The following MST1R variants were observed in gnomAD, a reference collection of about 807,000 sequenced individuals.
The protein encoded by MST1R is macrophage stimulating 1 receptor, also known as macrophage-stimulating protein receptor.
In MST1R, 99 loss-of-function variants were observed where a neutral mutation model predicts 117.8. That is an observed-to-expected ratio of 0.84 (90% CI 0.71 to 0.99). The LOEUF (loss-of-function observed/expected upper bound fraction) is 0.99. Ranked by LOEUF, MST1R falls within the 50% of genes least tolerant of loss-of-function variation. The pLI is 0.00. For synonymous variants in MST1R, 734 were observed against 765.3 expected (o/e 0.96, Z 0.68); for missense variants, 1,683 against 1,840.2 (o/e 0.91, Z 1.56).
At chr3:49,898,028 G>A in intron 5 of MST1R, 23 bp downstream of exon 5, 1 of 1,614,024 alleles carries the variant, frequency 6.2e-7, no homozygotes, top group Non-Finnish European at 8.5e-7. Context: ...TCAGGGAAAG[G>A]GAGGGGAGGG....
In MST1R at chr3:49,891,474, A is replaced by C. The variant is rs1388498988; in HGVS notation, c.3459T>G (p.Pro1153=). 6.2e-7 allele frequency: 1 copy of C among 1,613,866 alleles called. No homozygotes were observed. Among genetic ancestry groups the C allele is most frequent in the Non-Finnish European group, 8.5e-7 (1 of 1,180,036 alleles). Residue 1153 remains proline (P), a synonymous_variant, in exon 16 of 20, where the codon CCT becomes CCG. Transcript: ENST00000296474. ...VLALIGIMLP[P]EGLPHVLLPY... ...GCAGCAGCACATGGGGCAGGCCCTC[A>C]GGTGGCAACATGATACCAATGAGAG...
At chr3:49,887,764 C>T (rs151034870) in intron 19 of MST1R, among the ~76,000 whole-genome samples, 3 of 152,376 alleles carry the variant, frequency 2.0e-5, no homozygotes, top group South Asian at 2.1e-4. Flanking sequence ...TGGCAGAGGT[C>T]GAACTACCTC....
chr3:49,900,506 C>T (rs1233521720), intron 1 of MST1R, among the ~76,000 whole-genome samples: 2 of 152,168 alleles, frequency 1.3e-5, no homozygotes, highest in Non-Finnish European at 1.5e-5. Flanking sequence ...GAGGCTTAAC[C>T]CAGTCCTGAG....
chr3:49,895,135 A>G lies in MST1R; in HGVS notation c.3271+32T>C, dbSNP rs370238770. 2.5e-6 allele frequency: 4 copies of G among 1,611,970 alleles called. No homozygotes were observed. The African/African-American group carries it at 5.3e-5, about 22-fold the overall frequency. On this transcript the variant is annotated intron_variant, in intron 14 of 19. Transcript: ENST00000296474. ...CTAGCCTATGTCATCTTGAGACTCC[A>G]TCTCTGCCCCAGCCCCACCTGGCCC...
At chr3:49,889,863 C>T in intron 19 of MST1R, 61 bp downstream of exon 19, 3 of 1,602,342 alleles carry the variant, frequency 1.9e-6, no homozygotes, top group East Asian at 4.5e-5. Context: ...AGCTCTGTCT[C>T]CTGTCTCTTC....
rs765008622 is a variant in MST1R, at chr3:49,903,069, G to C, written c.541C>G (p.Pro181Ala). The part of the protein sequence containing the change: ...PDDCPDCVAS[P>A]LGTRVTVVEQ... ...ACCACAGTTACACGGGTGCCCAATG[G>C]GCTGGCCACACAGTCGGGGCAGTCA... The change falls in exon 1 of 20, where the codon CCA becomes GCA. Residue 181 changes from proline (P) to alanine (A), a missense_variant. Transcript: ENST00000296474. 3 of 1,609,654 alleles carry C rather than the reference G, an allele frequency of 1.9e-6. No individual in the cohort carries two copies. Among genetic ancestry groups the C allele is most frequent in the Non-Finnish European group, 2.5e-6 (3 of 1,180,022 alleles).
chr3:49,898,016 C>T, intron 5 of MST1R, 35 bp downstream of exon 5: 1 of 1,613,664 alleles, frequency 6.2e-7, no homozygotes, highest in African/African-American at 1.3e-5. Flanking sequence ...TGGTTTCCCC[C>T]TTCAGGGAAA....
intron 1 of MST1R, among the ~76,000 whole-genome samples, chr3:49,901,408 A>T (rs1454644729): frequency 1.3e-5 from 2 of 152,122 alleles, no homozygotes; most frequent in Non-Finnish European, 2.9e-5. Context: ...GGCTGGAGAG[A>T]ACCTAGATAG....
Position 49,889,915 on chromosome 3 carries a change from C to CA in MST1R, c.3947+8dup. 6.2e-7 allele frequency: 1 copy of CA among 1,614,134 alleles called. No homozygotes were observed. Among genetic ancestry groups the CA allele is most frequent in the Non-Finnish European group, 8.5e-7 (1 of 1,180,010 alleles). On this transcript the variant is annotated intron_variant, in intron 19 of 19. Coordinates refer to ENST00000296474, the MANE Select transcript of MST1R (RefSeq NM_002447.4). The stretch of plus-strand genomic sequence containing the variant: ...AGTTCCCTCCCCACTACCACCTCCA[C>CA]ATACTCACAGAGAATCAGGGCAATA...
rs779881041 is a variant in MST1R, at chr3:49,898,547, G to A, written c.1690C>T (p.Gln564Ter). 2 of 1,613,960 alleles carry A rather than the reference G, an allele frequency of 1.2e-6. No individual in the cohort carries two copies. The highest frequency in any genetic ancestry group is 1.7e-6 in the Non-Finnish European group (2 of 1,180,024). ...GTAAGCTTAGGTGGGCAGTGGTCCT[G>A]TTGCCAGGAGCCAGGACACTCCTTC... ...QQKECPGSWQQDHCPPKLTEF... is the reference protein window; with the variant it reads ...QQKECPGSWQ Residue 564 changes from glutamine to a stop codon, truncating the protein, a stop_gained, in exon 4 of 20, where the codon CAG becomes TAG. Coordinates refer to ENST00000296474, the MANE Select transcript of MST1R (RefSeq NM_002447.4). LOFTEE classifies it high-confidence loss of function.
chr3:49,895,867 C>T lies in MST1R; in HGVS notation c.2810G>A (p.Gly937Asp). ...CACTCTACCCAGGATATGACATTCA[C>T]CATCTACGCAGACCTGGGGGCAGGT... Reference protein sequence around the residue: ...DGAPLQVCVDGECHILGRVVR... With the variant: ...DGAPLQVCVDDECHILGRVVR... Residue 937 changes from glycine (G) to aspartate (D), a missense_variant, in exon 12 of 20, where the codon GGT becomes GAT. Transcript: ENST00000296474. 2 of 1,606,328 alleles carry T rather than the reference C, an allele frequency of 1.2e-6. No individual in the cohort carries two copies. The highest frequency in any genetic ancestry group is 1.7e-6 in the Non-Finnish European group (2 of 1,175,654).
At chr3:49,888,326 C>T (rs988587737) in intron 19 of MST1R, among the ~76,000 whole-genome samples, 29 of 151,888 alleles carry the variant, frequency 1.9e-4, no homozygotes, top group Non-Finnish European at 4.3e-4. Flanking sequence ...GTCCCAGCTA[C>T]TCGGGAGGCT....
intron 5 of MST1R, 100 bp downstream of exon 5, chr3:49,897,951 A>G: frequency 6.5e-7 from 1 of 1,542,576 alleles, no homozygotes; most frequent in Non-Finnish European, 8.9e-7. Flanking sequence ...AGCTTCCCCC[A>G]TCCCCCCTTG....
rs766948497 is a variant in MST1R at position 49,903,264 on chromosome 3, C to T, written c.346G>A (p.Gly116Ser). ...ACGPGPHGPP[G>S]DTDTKVLVLD... ...ACCAGCACCTTTGTGTCTGTGTCAC[C>T]GGGAGGGCCGTGGGGTCCTGGGCCA... The change falls in exon 1 of 20, where the codon GGT (glycine) becomes AGT (serine). Residue 116 changes from glycine to serine, a missense_variant. Coordinates refer to ENST00000296474, the MANE Select transcript of MST1R (RefSeq NM_002447.4). The T allele has an allele frequency of 9.3e-6, 15 of 1,609,794 alleles. No individual in the cohort carries two copies. Among genetic ancestry groups the T allele is most frequent in the African/African-American group, 2.7e-5 (2 of 74,954 alleles).
At chr3:49,897,828 G>T in intron 5 of MST1R, 143 bp from the exon 6 acceptor site, 1 of 1,257,844 alleles carries the variant, frequency 8.0e-7, no homozygotes, top group Non-Finnish European at 1.1e-6. Flanking sequence ...AGGTTCTGGT[G>T]GGGCAGAGAT....
intron 19 of MST1R, among the ~76,000 whole-genome samples, chr3:49,888,662 T>C (rs2082231504): frequency 6.6e-6 from 1 of 151,778 alleles, no homozygotes. Context: ...GGCACCCTGG[T>C]CCTGAAGCAG....
In MST1R at chr3:49,896,313, G is replaced by T. The variant is rs1180517181; in HGVS notation, c.2531C>A (p.Ala844Asp). Residue 844 changes from alanine to aspartate, a missense_variant, in exon 10 of 20, where the codon GCC becomes GAC. Coordinates refer to ENST00000296474, the MANE Select transcript of MST1R (RefSeq NM_002447.4). ...AAAGCCAGCAGCTCCATCCCCTCGGGCACTCAGATTCCCTGCCACCCATCC... is the reference window on the plus strand; with the variant it reads ...AAAGCCAGCAGCTCCATCCCCTCGGTCACTCAGATTCCCTGCCACCCATCC... ...PQGWVAGNLSARGDGAAGFTL... is the reference protein window; with the variant it reads ...PQGWVAGNLSDRGDGAAGFTL... 2 of 1,614,096 alleles carry T rather than the reference G, an allele frequency of 1.2e-6. No individual in the cohort carries two copies. The highest frequency in any genetic ancestry group is 1.7e-5 in the Admixed American group (1 of 60,022).
At position 49,890,071 on chromosome 3, in the gene MST1R, G is replaced by C; in HGVS notation, c.3811-11C>G. 10 of 1,581,046 alleles carry C rather than the reference G, an allele frequency of 6.3e-6. No homozygotes were observed. The highest frequency in any genetic ancestry group is 8.6e-6 in the Non-Finnish European group (10 of 1,163,358). ...CACACCAAATGACCACTGTGGAAAG[G>C]GGGAGGTGAGGGGACTCAACTCACC... is the stretch of plus-strand genomic sequence containing the variant. On this transcript the variant is annotated splice_polypyrimidine_tract_variant and intron_variant, in intron 18 of 19. Transcript: ENST00000296474.
chr3:49,896,396 C>T lies in MST1R; in HGVS notation c.2448G>A (p.Arg816=). ...GGCACAGCTGCTGCTCTGGAAGCTG[C>T]CTCTCACACTGCTGGGACCAATATG... is the stretch of plus-strand genomic sequence containing the variant. The part of the protein sequence containing the change: ...GLRAVESRCE[R]QLPEQQLCRL... The change falls in exon 10 of 20, where the codon AGG becomes AGA. Residue 816 remains arginine (R), a synonymous_variant. Transcript: ENST00000296474. 1.2e-6 allele frequency: 2 copies of T among 1,613,058 alleles called. No individual in the cohort carries two copies. Among genetic ancestry groups the T allele is most frequent in the Non-Finnish European group, 1.7e-6 (2 of 1,179,668 alleles).
Sources: allele counts gnomAD v4.1 joint callset (sites outside exome capture counted in the v4.1 genomes callset), GRCh38; gene constraint gnomAD v4.1.1; transcripts MANE v1.5; gene names NCBI Gene and HGNC (gene_info 2026-07-23, HGNC 2026-07-21).